Variants in REL observed in about 807,000 individuals in gnomAD.
REL encodes the protein proto-oncogene c-Rel.
A neutral mutation model predicts 45.9 loss-of-function variants in REL; 15 were observed. That is an observed-to-expected ratio of 0.33 (90% CI 0.22 to 0.50). The LOEUF is 0.50. Ranked by LOEUF, REL falls within the 20% of genes least tolerant of loss-of-function variation. The pLI, the probability that REL is intolerant of heterozygous loss-of-function variation, is 0.98. For missense variants in REL, 601 were observed against 715.2 expected, an observed-to-expected ratio of 0.84 and a Z score of 1.82; for synonymous variants, 239 against 242.1, an observed-to-expected ratio of 0.99 and a Z score of 0.12.
At chr2:60,889,456 T>A (rs1258560215) in intron 1 of REL, among the ~76,000 whole-genome samples, 1 of 150,646 alleles carries the variant, frequency 6.6e-6, no homozygotes, top group African/African-American at 2.5e-5. Context: ...ATAGACACCA[T>A]TTTTTTTTAT....
Position 60,929,414 on chromosome 2 carries a change from A to G in REL, c.*6879A>G, listed in dbSNP as rs1408139066. ...TTATTCACAATAGCAAAGACTTGGA[A>G]CCAACCCAAATGTCCAACAATGATA... On this transcript the variant is annotated 3_prime_UTR_variant, in exon 10 of 10. Transcript: ENST00000394479. 6 of 141,054 alleles carry G rather than the reference A, an allele frequency of 4.3e-5. No individual in the cohort carries two copies. In the East Asian group the frequency reaches 1.2e-3, roughly 28 times the overall value. The allele number at this position is 141,054 out of a possible 1,614,324, so 8.7% of individuals were successfully genotyped here.
At chr2:60,920,136 T>A (rs769573296) in intron 8 of REL, 27 bp downstream of exon 8, 2 of 1,444,934 alleles carry the variant, frequency 1.4e-6, no homozygotes, top group South Asian at 1.2e-5. Flanking sequence ...TCGATTCATA[T>A]TTAAATAGGT....
intron 6 of REL, 26 bp downstream of exon 6, chr2:60,918,321 G>T (rs1674038704): frequency 6.4e-7 from 1 of 1,554,186 alleles, no homozygotes; most frequent in South Asian, 1.2e-5. Context: ...ATTGAATTTA[G>T]AATAAATTTT....
chr2:60,899,264 C>G (rs928440592), intron 3 of REL: 1 of 152,104 alleles, frequency 6.6e-6, no homozygotes, highest in African/African-American at 2.4e-5. Flanking sequence ...GGCAGGTGGA[C>G]TGCTTGAGTC....
At chr2:60,884,099 CAAAAA>C (rs199826692) in intron 1 of REL, among the ~76,000 whole-genome samples, 1 of 66,720 alleles carries the variant, frequency 1.5e-5, no homozygotes, top group Non-Finnish European at 3.1e-5. Flanking sequence ...GAAGAGTGAC[CAAAAA>C]AAAAAAAAAA....
chr2:60,914,035 C>G, intron 4 of REL, among the ~76,000 whole-genome samples: 1 of 152,182 alleles, frequency 6.6e-6, no homozygotes. Flanking sequence ...GGAGATACAT[C>G]AGACATCCCT....
intron 4 of REL, among the ~76,000 whole-genome samples, chr2:60,914,248 T>C (rs1276429971): frequency 6.6e-6 from 1 of 152,236 alleles, no homozygotes; most frequent in Non-Finnish European, 1.5e-5. Context: ...GTTTCAGCCT[T>C]ACACTGAATC....
intron 1 of REL, among the ~76,000 whole-genome samples, chr2:60,889,500 C>T (rs562864989): frequency 6.6e-6 from 1 of 152,094 alleles, no homozygotes; most frequent in South Asian, 2.1e-4. Context: ...TTTTAGGGTA[C>T]ATGTACACAT....
intron 1 of REL, among the ~76,000 whole-genome samples, chr2:60,884,652 G>A (rs1673027470): frequency 6.6e-6 from 1 of 152,072 alleles, no homozygotes; most frequent in African/African-American, 2.4e-5. Flanking sequence ...AAATGTCTTT[G>A]TGTGGCATAT....
At chr2:60,882,307 C>T (rs1305196569) in intron 1 of REL, among the ~76,000 whole-genome samples, 1 of 152,130 alleles carries the variant, frequency 6.6e-6, no homozygotes, top group Non-Finnish European at 1.5e-5. Context: ...AAATGTGTCA[C>T]GGCTTTAAAA....
At chr2:60,881,959 C>T (rs368418163) in intron 1 of REL, 109 bp downstream of exon 1, 1 of 682,680 alleles carries the variant, frequency 1.5e-6, no homozygotes, top group Non-Finnish European at 2.2e-6. Flanking sequence ...CGCGTTCTGT[C>T]TTTAAAATCT....
intron 4 of REL, 51 bp downstream of exon 4, chr2:60,901,134 T>C (rs1259060683): frequency 1.4e-6 from 2 of 1,425,512 alleles, no homozygotes; most frequent in Non-Finnish European, 1.8e-6. Context: ...TTGATTTCTG[T>C]TTCTTTTTTC....
chr2:60,920,251 G>A, intron 8 of REL, 142 bp downstream of exon 8: 1 of 693,608 alleles, frequency 1.4e-6, no homozygotes. Context: ...ACCCAGGCTG[G>A]AGTGCAGTAG....
intron 1 of REL, among the ~76,000 whole-genome samples, chr2:60,891,023 A>G (rs1263454147): frequency 2.6e-5 from 4 of 152,186 alleles, no homozygotes; most frequent in Non-Finnish European, 1.5e-5. Context: ...TAGAAAGTGA[A>G]TACTTTTTTT....
At position 60,918,144 on chromosome 2, in the gene REL, T is replaced by G. The variant is rs770041478; in HGVS notation, c.536-47T>G. ...TTCTTCCCTGCAAAAAGAAATAAAA[T>G]ATTACTAAGGTAGCAACTCATTTTT... is the stretch of plus-strand genomic sequence containing the variant. On this transcript the variant is annotated intron_variant, in intron 5 of 9. Coordinates refer to ENST00000394479, the MANE Select transcript of REL (RefSeq NM_001291746.2). 6 of 1,124,752 alleles carry G rather than the reference T, an allele frequency of 5.3e-6. No individual in the cohort carries two copies. The South Asian group carries it at 8.4e-5, about 16-fold the overall frequency. 69.7% of individuals were successfully genotyped at this position (1,124,752 alleles called of 1,614,324 possible).
At chr2:60,891,571 A>G (rs1337134643) in intron 1 of REL, 112 bp from the exon 2 acceptor site, 12 of 939,454 alleles carry the variant, frequency 1.3e-5, no homozygotes, top group African/African-American at 3.4e-5. Flanking sequence ...TAATGTTAGG[A>G]GGAAAAAAAT....
At position 60,901,150 on chromosome 2, in the gene REL, CTTTTTT is replaced by C. The variant is rs10565258; in HGVS notation, c.394+85_394+90del. 602 of 913,546 alleles carry C rather than the reference CTTTTTT, an allele frequency of 6.6e-4. 4 individuals are homozygous for C. The highest frequency in any genetic ancestry group is 3.0e-3 in the East Asian group (30 of 9,844). The allele number at this position is 913,546 out of a possible 1,614,324, so 56.6% of individuals were successfully genotyped here. The stretch of plus-strand genomic sequence containing the variant: ...TGATTTCTGTTTCTTTTTTCTTTCT[CTTTTTT>C]TTTTTTTTTTTTTTTTTGAGACGGA... On this transcript the variant is annotated intron_variant, in intron 4 of 9. Transcript: ENST00000394479.
chr2:60,882,567 C>T (rs1051654173), intron 1 of REL, among the ~76,000 whole-genome samples: 8 of 151,916 alleles, frequency 5.3e-5, no homozygotes, highest in African/African-American at 1.5e-4. Context: ...CCCAGCTACT[C>T]GGGAAGCTGA....
intron 3 of REL, chr2:60,900,276 A>C (rs1213540874): frequency 6.6e-6 from 1 of 152,288 alleles, no homozygotes; most frequent in Non-Finnish European, 1.5e-5. Context: ...GAGCCTAGCA[A>C]AACATACCTG....
Sources: allele counts gnomAD v4.1 joint callset (sites outside exome capture counted in the v4.1 genomes callset), GRCh38; gene constraint gnomAD v4.1.1; transcripts MANE v1.5; gene names NCBI Gene and HGNC (gene_info 2026-07-23, HGNC 2026-07-21).